Variants in OSBPL5 observed in about 807,000 individuals in gnomAD.
OSBPL5 encodes oxysterol binding protein like 5.
In OSBPL5, 71 loss-of-function variants were observed where a neutral mutation model predicts 111.2. The observed-to-expected ratio is 0.64, with a 90% CI of 0.53 to 0.78. The LOEUF (loss-of-function observed/expected upper bound fraction) is 0.78. OSBPL5 is among the 30% of genes least tolerant of loss of function. The probability of loss-of-function intolerance (pLI) is 0.00; values close to 1 mark genes in which losing one functional copy is unlikely to be tolerated. For synonymous variants in OSBPL5, 549 were observed against 513.9 expected (o/e 1.07, Z -0.93); for missense variants, 1,210 against 1,189.3 (o/e 1.02, Z -0.26).
At chr11:3,128,233 T>G (rs1260402462) in intron 2 of OSBPL5, among the ~76,000 whole-genome samples, 1 of 152,062 alleles carries the variant, frequency 6.6e-6, no homozygotes, top group Non-Finnish European at 1.5e-5. Context: ...CCAGGGCAGA[T>G]GAGATGACCA....
rs1564835426 is a variant in OSBPL5, at chr11:3,109,449, A to G, written c.692-1504T>C. Among the ~76,000 whole-genome samples the G allele has an allele frequency of 6.6e-6, 1 of 152,160 alleles. No individual in the cohort carries two copies. Among genetic ancestry groups the G allele is most frequent in the Non-Finnish European group, 1.5e-5 (1 of 68,024 alleles). On this transcript the variant is annotated intron_variant, in intron 7 of 21. Transcript: ENST00000263650. This position sits in a 1 kb window ranked among gnomAD's most constrained non-coding sequence, Gnocchi z 7.4. ...GGAGGATGGGGCTGAAGAGCATTGA[A>G]GGCGGTTCTGTGCCTCTCTGAGCCT...
rs1857575807 is a variant in OSBPL5, at chr11:3,103,807, TCTTCCTGCCTGCGCAGCCCC to T, written c.1244+366_1244+385del. ...CAGTCCCTTCCTGCCTCTGCAGCCC[TCTTCCTGCCTGCGCAGCCCC>T]CTTCCAGCCTCTGCAGCCCCTTTCC... On this transcript the variant is annotated intron_variant, in intron 10 of 21. Transcript: ENST00000263650. 2.0e-4 allele frequency among the ~76,000 whole-genome samples: 9 copies of T among 44,502 alleles called. No homozygotes were observed. The East Asian group carries it at 4.3e-3, about 21-fold the overall frequency. 29.2% of individuals were successfully genotyped at this position (44,502 alleles called of 152,430 possible).
intron 1 of OSBPL5, among the ~76,000 whole-genome samples, chr11:3,136,455 GAGA>G (rs1379813619): frequency 6.6e-6 from 1 of 152,268 alleles, no homozygotes; most frequent in African/African-American, 2.4e-5. Flanking sequence ...CTGAAGCTCT[GAGA>G]AGGAATCCAG....
At position 3,100,170 on chromosome 11, in the gene OSBPL5, C is replaced by T. The variant is rs772518031; in HGVS notation, c.1609G>A (p.Ala537Thr). 2.5e-6 allele frequency: 4 copies of T among 1,614,070 alleles called. No individual in the cohort carries two copies. Among genetic ancestry groups the T allele is most frequent in the East Asian group, 2.2e-5 (1 of 44,884 alleles). ...AEDYTLTMPY[A>T]HCKGILYGTM... ...CTGAGCCTCTCACCTTTGCAGTGGG[C>T]GTAGGGCATGGTAAGGGTGTAATCC... The change falls in exon 14 of 22, where the codon GCC (alanine) becomes ACC (threonine). Residue 537 changes from alanine (A) to threonine (T), a missense_variant. Coordinates refer to ENST00000263650, the MANE Select transcript of OSBPL5 (RefSeq NM_020896.4).
In OSBPL5 at chr11:3,140,971, AG is replaced by A. The variant is rs1483272086; in HGVS notation, c.-21-11803del. ...TCCCCGATGCCATCTGTCAAGGGTC[AG>A]GGGTCACACACTGCAGAGAAGAAGA... is the stretch of plus-strand genomic sequence containing the variant. On this transcript the variant is annotated intron_variant, in intron 1 of 21. Transcript: ENST00000263650. The surrounding 1 kb of genome is among the most constrained non-coding windows in gnomAD (Gnocchi z 4.5). Among the ~76,000 whole-genome samples, 1 of 152,130 alleles carries A rather than the reference AG, an allele frequency of 6.6e-6. No homozygotes were observed. The highest frequency in any genetic ancestry group is 1.9e-4 in the East Asian group (1 of 5,192).
chr11:3,090,738 C>A (rs372474073), intron 19 of OSBPL5, 42 bp from the exon 20 acceptor site: 64 of 1,570,948 alleles, frequency 4.1e-5, no homozygotes, highest in African/African-American at 1.3e-5. Flanking sequence ...GCCACCCACG[C>A]CCCCTGCCCA....
At chr11:3,120,992 CA>C (rs1309923933) in intron 5 of OSBPL5, among the ~76,000 whole-genome samples, 1 of 151,546 alleles carries the variant, frequency 6.6e-6, no homozygotes, top group Non-Finnish European at 1.5e-5. Context: ...GGGTCAAGTT[CA>C]AGGTCAAGGG....
chr11:3,162,433 C>T lies in OSBPL5; in HGVS notation c.-22+2783G>A, dbSNP rs911732072. Among the ~76,000 whole-genome samples the T allele has an allele frequency of 1.3e-4, 20 of 151,924 alleles. No homozygotes were observed. Among genetic ancestry groups the T allele is most frequent in the Non-Finnish European group, 2.5e-4 (17 of 67,990 alleles). ...CCCATCTCCCACCTCAAGCCCTGGT[C>T]CTGAGGACACAGCTGGTGCCCACTC... On this transcript the variant is annotated intron_variant, in intron 1 of 21. Transcript: ENST00000263650. This position sits in a 1 kb window ranked among gnomAD's most constrained non-coding sequence, Gnocchi z 8.1.
Position 3,129,100 on chromosome 11 carries a change from A to C in OSBPL5, c.49T>G (p.Ser17Ala). Residue 17 changes from serine to alanine, a missense_variant, in exon 2 of 22, where the codon TCC becomes GCC. Transcript: ENST00000263650. The stretch of plus-strand genomic sequence containing the variant: ...GGGTCGACTTTCTGAGGGGTGGAGG[A>C]AGGTGGACACAGGGAGAAGCGGCGC... Reference protein sequence around the residue: ...LRRRFSLCPPSSTPQKVDPRK... With the variant: ...LRRRFSLCPPASTPQKVDPRK... 1 of 1,547,190 alleles carries C rather than the reference A, an allele frequency of 6.5e-7. No homozygotes were observed. Among genetic ancestry groups the C allele is most frequent in the East Asian group, 2.5e-5 (1 of 39,736 alleles).
chr11:3,089,310 G>T (rs1442287402), intron 21 of OSBPL5, among the ~76,000 whole-genome samples: 1 of 152,372 alleles, frequency 6.6e-6, no homozygotes, highest in African/African-American at 2.4e-5. Flanking sequence ...CCTCAGCCTG[G>T]CTCAGAGTCA....
chr11:3,106,237 G>A lies in OSBPL5; in HGVS notation c.1059+1026C>T, dbSNP rs971072428. ...TCTGTCCCTGTGCAGAGCAAGATGC[G>A]AACACGACGCTGTCCAAACAACAGC... On this transcript the variant is annotated intron_variant, in intron 9 of 21. Transcript: ENST00000263650. The surrounding 1 kb of genome is among the most constrained non-coding windows in gnomAD (Gnocchi z 8.4). 2.0e-5 allele frequency among the ~76,000 whole-genome samples: 3 copies of A among 151,714 alleles called. No individual in the cohort carries two copies. The highest frequency in any genetic ancestry group is 2.1e-4 in the South Asian group (1 of 4,814).
rs766495993 is a variant in OSBPL5, at chr11:3,120,615, T to C, written c.412A>G (p.Thr138Ala). 11 of 1,612,688 alleles carry C rather than the reference T, an allele frequency of 6.8e-6. No individual in the cohort carries two copies. In the Admixed American group the frequency reaches 1.8e-4, roughly 27 times the overall value. ...IMADSLKIRG[T>A]LKSWTKLWCV... is the part of the protein sequence containing the mutation. ...CACAGCTTGGTCCAGCTCTTCAGGG[T>C]GCCGCGGATCTGCAGGGAGGATGCT... The change falls in exon 6 of 22, where the codon ACC (threonine) becomes GCC (alanine). Residue 138 changes from threonine to alanine, a missense_variant. Transcript: ENST00000263650.
Position 3,092,597 on chromosome 11 carries a change from GC to G in OSBPL5, c.2133-40del. On this transcript the variant is annotated intron_variant, in intron 18 of 21. Transcript: ENST00000263650. The surrounding 1 kb of genome is among the most constrained non-coding windows in gnomAD (Gnocchi z 5.4). ...AGGGCGTTCATCAGCACAGGCAGTG[GC>G]CCTCAGGTGAGGGGGCTGTCCTGGC... 1 of 1,535,152 alleles carries G rather than the reference GC, an allele frequency of 6.5e-7. No homozygotes were observed. Among genetic ancestry groups the G allele is most frequent in the Non-Finnish European group, 8.8e-7 (1 of 1,134,410 alleles).
chr11:3,097,928 C>T (rs140094471), intron 14 of OSBPL5, among the ~76,000 whole-genome samples: 20,991 of 151,972 alleles, frequency 0.14, 1,666 homozygotes, highest in South Asian at 0.24. Flanking sequence ...ATTTGCTGGG[C>T]GTGGTGGCGG....
At chr11:3,102,647 G>A (rs983028876) in intron 11 of OSBPL5, among the ~76,000 whole-genome samples, 3 of 150,074 alleles carry the variant, frequency 2.0e-5, no homozygotes, top group Non-Finnish European at 3.0e-5. Flanking sequence ...CAAACCTGCT[G>A]TACGACTCAG....
In OSBPL5 at chr11:3,165,290, C is replaced by G. The variant is rs1387517206; in HGVS notation, c.-96G>C. 3 of 151,600 alleles carry G rather than the reference C, an allele frequency of 2.0e-5. No homozygotes were observed. The highest frequency in any genetic ancestry group is 4.8e-5 in the African/African-American group (2 of 41,354). 9.4% of individuals were successfully genotyped at this position (151,600 alleles called of 1,614,324 possible). On this transcript the variant is annotated 5_prime_UTR_variant, in exon 1 of 22. Transcript: ENST00000263650. The surrounding 1 kb of genome is among the most constrained non-coding windows in gnomAD (Gnocchi z 7.4). ...GGCTCCACTGGCGGCGCGGGCCTGGCTGCAGGAAATGCCAGCAGATGGTCC... is the reference window on the plus strand; with the variant it reads ...GGCTCCACTGGCGGCGCGGGCCTGGGTGCAGGAAATGCCAGCAGATGGTCC...
Position 3,092,636 on chromosome 11 carries a change from C to T in OSBPL5, c.2133-78G>A. 6.8e-7 allele frequency: 1 copy of T among 1,464,610 alleles called. No individual in the cohort carries two copies. Among genetic ancestry groups the T allele is most frequent in the Non-Finnish European group, 9.1e-7 (1 of 1,096,566 alleles). The allele number at this position is 1,464,610 out of a possible 1,614,324, so 90.7% of individuals were successfully genotyped here. A position where few individuals can be genotyped will look rare whatever the true frequency, so the allele number is the denominator to read the frequency against. ...GGGCTGTCCTGGCCCAGTCTTCAGC[C>T]CCCCAACAGTGGCCAGAGACCTCCA... On this transcript the variant is annotated intron_variant, in intron 18 of 21. Transcript: ENST00000263650. The surrounding 1 kb of genome is among the most constrained non-coding windows in gnomAD (Gnocchi z 5.4).
At chr11:3,100,312 A>G in intron 13 of OSBPL5, 56 bp from the exon 14 acceptor site, 2 of 1,500,086 alleles carry the variant, frequency 1.3e-6, no homozygotes, top group Non-Finnish European at 1.8e-6. Context: ...TTCACATCTG[A>G]GGCCACCCCT....
intron 7 of OSBPL5, among the ~76,000 whole-genome samples, chr11:3,112,929 T>A (rs1858056895): frequency 6.6e-6 from 1 of 152,222 alleles, no homozygotes; most frequent in African/African-American, 2.4e-5. Flanking sequence ...TGAAACAGGT[T>A]ATCAAGAATC....
Sources: allele counts gnomAD v4.1 joint callset (sites outside exome capture counted in the v4.1 genomes callset), GRCh38; gene constraint gnomAD v4.1.1; non-coding constraint Gnocchi (gnomAD v3.1); transcripts MANE v1.5; gene names NCBI Gene and HGNC (gene_info 2026-07-23, HGNC 2026-07-21).